CAPN13: variants seen among roughly 807,000 people sequenced by gnomAD.
The protein encoded by CAPN13 is calpain-13.
A neutral mutation model predicts 98.4 loss-of-function variants in CAPN13; 90 were observed. The ratio of observed to expected loss-of-function variants is 0.92; its 90% CI spans 0.77 to 1.09. The LOEUF (loss-of-function observed/expected upper bound fraction) is 1.09. Among genes scored for constraint, CAPN13 ranks in the 50% least tolerant of loss-of-function variants. The pLI is 0.00. For synonymous variants in CAPN13, 330 were observed against 305.5 expected (o/e 1.08, Z -0.84); for missense variants, 887 against 841.3 (o/e 1.05, Z -0.67).
At chr2:30,727,592 A>G (rs1456188501) in intron 22 of CAPN13, among the ~76,000 whole-genome samples, 6 of 152,236 alleles carry the variant, frequency 3.9e-5, no homozygotes, top group African/African-American at 1.4e-4. Flanking sequence ...GAAAATGCAA[A>G]TCAAAACCAC....
At chr2:30,793,202 A>G (rs1674690467) in intron 1 of CAPN13, among the ~76,000 whole-genome samples, 1 of 151,846 alleles carries the variant, frequency 6.6e-6, no homozygotes, top group East Asian at 1.9e-4. Flanking sequence ...AGAAGGTCCT[A>G]TTTTGGTATT....
rs748992413 is a variant in CAPN13, at chr2:30,770,365, G to A, written c.472C>T (p.Arg158Cys). The change falls in exon 5 of 23, where the codon CGC becomes TGC. Residue 158 changes from arginine (R) to cysteine (C), a missense_variant. Arg to Cys is a radical substitution (Grantham distance 180). Transcript: ENST00000295055. ...QGDKCLFVRPRHQNQEFWPCL... is the reference protein window; with the variant it reads ...QGDKCLFVRPCHQNQEFWPCL... Reference sequence around the variant, plus strand: ...GGCCAGAACTCTTGGTTTTGGTGGCGAGGACGCACAAAGAGGCATTTATCT... The same window carrying A: ...GGCCAGAACTCTTGGTTTTGGTGGCAAGGACGCACAAAGAGGCATTTATCT... 34 of 1,613,906 alleles carry A rather than the reference G, an allele frequency of 2.1e-5. No individual in the cohort carries two copies. Among genetic ancestry groups the A allele is most frequent in the Admixed American group, 1.2e-4 (7 of 60,012 alleles).
chr2:30,796,911 A>C (rs1674912417), intron 1 of CAPN13, among the ~76,000 whole-genome samples: 1 of 152,186 alleles, frequency 6.6e-6, no homozygotes, highest in Non-Finnish European at 1.5e-5. Flanking sequence ...CGGCACTCTC[A>C]ATGGTATCTG....
At chr2:30,783,445 T>C (rs949585207) in intron 2 of CAPN13, among the ~76,000 whole-genome samples, 1 of 152,070 alleles carries the variant, frequency 6.6e-6, no homozygotes, top group Non-Finnish European at 1.5e-5. Flanking sequence ...TTCCTTCTAC[T>C]TCAGAAAAAG....
intron 1 of CAPN13, among the ~76,000 whole-genome samples, chr2:30,798,270 A>G (rs1674991305): frequency 6.6e-6 from 1 of 152,236 alleles, no homozygotes; most frequent in South Asian, 2.1e-4. Context: ...AGAACTTCCA[A>G]TGACATGAAT....
chr2:30,763,358 G>T (rs2148020911), intron 6 of CAPN13, among the ~76,000 whole-genome samples: 1 of 152,336 alleles, frequency 6.6e-6, no homozygotes, highest in Middle Eastern at 3.4e-3. Flanking sequence ...ATGCCTCAGG[G>T]CACCACCCCC....
chr2:30,778,552 C>T (rs1673819800), intron 2 of CAPN13, among the ~76,000 whole-genome samples: 1 of 152,220 alleles, frequency 6.6e-6, no homozygotes. Flanking sequence ...ACCAATAAGT[C>T]TGCAGAGAGC....
At position 30,763,419 on chromosome 2, in the gene CAPN13, C is replaced by G. The variant is rs562989525; in HGVS notation, c.700-263G>C. 3.3e-5 allele frequency among the ~76,000 whole-genome samples: 5 copies of G among 152,362 alleles called. No individual in the cohort carries two copies. The East Asian group carries it at 9.7e-4, about 29-fold the overall frequency. On this transcript the variant is annotated intron_variant, in intron 6 of 22. Coordinates refer to ENST00000295055, the MANE Select transcript of CAPN13 (RefSeq NM_144575.3). ...CCGAGGGCCTGGGTTACTCTCTCCA[C>G]CAACCACATGTCATCAGTGAGACAC... is the stretch of plus-strand genomic sequence containing the variant.
At chr2:30,758,823 T>TCCTTCCTC (rs1245936090) in intron 7 of CAPN13, among the ~76,000 whole-genome samples, 14 of 72,116 alleles carry the variant, frequency 1.9e-4, no homozygotes, top group Non-Finnish European at 3.5e-4. Context: ...CTTCCTCCCT[T>TCCTTCCTC]CCTTCCTCCC....
chr2:30,788,404 A>G (rs1674434766), intron 1 of CAPN13, among the ~76,000 whole-genome samples: 1 of 152,208 alleles, frequency 6.6e-6, no homozygotes, highest in Non-Finnish European at 1.5e-5. Flanking sequence ...AGCCACAGGA[A>G]CGTAACTGGT....
Position 30,743,470 on chromosome 2 carries a change from G to C in CAPN13, c.1358C>G (p.Pro453Arg). 6.2e-7 allele frequency: 1 copy of C among 1,613,946 alleles called. No homozygotes were observed. The highest frequency in any genetic ancestry group is 8.5e-7 in the Non-Finnish European group (1 of 1,179,840). Residue 453 changes from proline to arginine, a missense_variant, in exon 13 of 23, where the codon CCT becomes CGT. Coordinates refer to ENST00000295055, the MANE Select transcript of CAPN13 (RefSeq NM_144575.3). ...CTGTGCAACCACAACATAGTTCCCA[G>C]GGCTCAGATGGTAAGTCATGGTGAA... is the stretch of plus-strand genomic sequence containing the variant. ...RNFTMTYHLS[P>R]GNYVVVAQTR...
chr2:30,778,128 G>A (rs951404755), intron 2 of CAPN13, among the ~76,000 whole-genome samples: 12 of 152,218 alleles, frequency 7.9e-5, no homozygotes, highest in African/African-American at 2.9e-4. Context: ...TGCTGTAAGG[G>A]ATACAAGGTA....
intron 1 of CAPN13, among the ~76,000 whole-genome samples, chr2:30,790,473 C>A (rs192912911): frequency 4.6e-5 from 7 of 152,290 alleles, no homozygotes; most frequent in Non-Finnish European, 5.9e-5. Context: ...TAAAGTTCTT[C>A]ATGTAAGAAG....
intron 1 of CAPN13, among the ~76,000 whole-genome samples, chr2:30,789,547 C>A (rs1674498044): frequency 6.6e-6 from 1 of 152,192 alleles, no homozygotes; most frequent in Non-Finnish European, 1.5e-5. Context: ...AGTTCCTAGT[C>A]CATCTGGGGG....
chr2:30,787,175 G>C lies in CAPN13; in HGVS notation c.151C>G (p.Leu51Val). The C allele has an allele frequency of 1.9e-6, 3 of 1,590,392 alleles. No individual in the cohort carries two copies. The highest frequency in any genetic ancestry group is 2.7e-5 in the African/African-American group (2 of 74,614). ...TTGGAGAGGCGTTTTTCCTGGAGCA[G>C]CTTCTGGCCTATGGAAGAATCTGCT... ...PAADSSIGQK[L>V]LQEKRLSNVI... Residue 51 changes from leucine to valine, a missense_variant, in exon 2 of 23, where the codon CTG becomes GTG. By Grantham distance (32) the Leu-to-Val change is conservative. Transcript: ENST00000295055.
At chr2:30,802,256 G>A (rs910336383) in intron 1 of CAPN13, among the ~76,000 whole-genome samples, 24 of 152,012 alleles carry the variant, frequency 1.6e-4, no homozygotes, top group African/African-American at 5.6e-4. Context: ...CCAGGTGCTC[G>A]GAGACACACG....
At chr2:30,775,817 C>T in intron 4 of CAPN13, 113 bp downstream of exon 4, 1 of 578,942 alleles carries the variant, frequency 1.7e-6, no homozygotes, top group Non-Finnish European at 2.8e-6. Context: ...GTAACTAACA[C>T]AACTGTCACT....
In CAPN13 at chr2:30,789,576, T is replaced by C. The variant is rs537804270; in HGVS notation, c.-32-2219A>G. On this transcript the variant is annotated intron_variant, in intron 1 of 22. Transcript: ENST00000295055. ...CTGGGGGGCCCCCACTGTGCACTAT[T>C]GGATGGAGGACTGGCCAGACTTTAG... Among the ~76,000 whole-genome samples, 5 of 152,294 alleles carry C rather than the reference T, an allele frequency of 3.3e-5. No individual in the cohort carries two copies. In the South Asian group the frequency reaches 1.0e-3, roughly 32 times the overall value.
At chr2:30,775,877 C>T in intron 4 of CAPN13, 53 bp downstream of exon 4, 1 of 1,353,896 alleles carries the variant, frequency 7.4e-7, no homozygotes, top group South Asian at 1.4e-5. Flanking sequence ...TTCACCTTCC[C>T]TGTACTCACA....
Sources: gnomAD v4.1 joint callset for allele counts (sites outside exome capture counted in the v4.1 genomes callset) on GRCh38, gnomAD v4.1.1 for gene constraint, MANE v1.5 for transcripts, NCBI Gene and HGNC (gene_info 2026-07-23, HGNC 2026-07-21) for gene names.